Variants in CDH12 observed in about 807,000 individuals in gnomAD.
CDH12 encodes the protein cadherin 12.
In CDH12, 41 loss-of-function variants were observed where a neutral mutation model predicts 74.1. The ratio of observed to expected loss-of-function variants is 0.55; its 90% CI spans 0.43 to 0.72. CDH12 has a LOEUF of 0.72. CDH12 is among the 30% of genes least tolerant of loss of function. The probability of loss-of-function intolerance (pLI) is 0.00; values close to 1 mark genes in which losing one functional copy is unlikely to be tolerated. For synonymous variants in CDH12, 399 were observed against 355.0 expected (o/e 1.12, Z -1.39); for missense variants, 945 against 977.2 (o/e 0.97, Z 0.44).
At chr5:22,090,328 C>T (rs991725901) in intron 4 of CDH12, among the ~76,000 whole-genome samples, 2 of 151,356 alleles carry the variant, frequency 1.3e-5, no homozygotes, top group African/African-American at 4.8e-5. Context: ...AATAATATTA[C>T]CTCAAAGGTT....
intron 5 of CDH12, among the ~76,000 whole-genome samples, chr5:22,069,674 C>A (rs1741809298): frequency 6.6e-6 from 1 of 152,206 alleles, no homozygotes. Context: ...CCTAAATCAA[C>A]AGGTAAGGAA....
At chr5:22,516,751 T>C in intron 1 of CDH12, among the ~76,000 whole-genome samples, 1 of 152,066 alleles carries the variant, frequency 6.6e-6, no homozygotes, top group East Asian at 1.9e-4. Context: ...GCCATGATGG[T>C]GCCACTGCAC....
chr5:22,103,297 A>G (rs1320222373), intron 4 of CDH12, among the ~76,000 whole-genome samples: 1 of 151,204 alleles, frequency 6.6e-6, no homozygotes, highest in Non-Finnish European at 1.5e-5. Flanking sequence ...AGGAGTTGTG[A>G]TGCTCTTATG....
At chr5:22,692,370 G>T (rs897530691) in intron 1 of CDH12, among the ~76,000 whole-genome samples, 1 of 152,126 alleles carries the variant, frequency 6.6e-6, no homozygotes, top group Non-Finnish European at 1.5e-5. Context: ...AACCCATGTG[G>T]CATTTCAACT....
chr5:22,325,813 C>T (rs570454425), intron 3 of CDH12, among the ~76,000 whole-genome samples: 1 of 151,948 alleles, frequency 6.6e-6, no homozygotes, highest in African/African-American at 2.4e-5. Flanking sequence ...GAGGCTGAGG[C>T]GGGAGAATGG....
At chr5:22,198,926 T>C (rs1750771283) in intron 4 of CDH12, among the ~76,000 whole-genome samples, 1 of 151,392 alleles carries the variant, frequency 6.6e-6, no homozygotes, top group Non-Finnish European at 1.5e-5. Flanking sequence ...GATAGGAAAA[T>C]TCGGCCTATT....
At chr5:22,398,481 G>A (rs187142241) in intron 3 of CDH12, among the ~76,000 whole-genome samples, 52 of 152,156 alleles carry the variant, frequency 3.4e-4, no homozygotes, top group Admixed American at 7.2e-4. Context: ...TCTTTAAGAC[G>A]GAGATAATAA....
chr5:21,798,437 C>T (rs1331628226), intron 10 of CDH12, among the ~76,000 whole-genome samples: 1 of 152,054 alleles, frequency 6.6e-6, no homozygotes, highest in Non-Finnish European at 1.5e-5. Context: ...AATTGTTATA[C>T]TTATTTCTTT....
At chr5:21,915,561 T>C (rs1443672640) in intron 6 of CDH12, among the ~76,000 whole-genome samples, 1 of 150,876 alleles carries the variant, frequency 6.6e-6, no homozygotes, top group Non-Finnish European at 1.5e-5. Flanking sequence ...ATAGTAAGGG[T>C]TTTGAGTTTG....
At chr5:22,122,663 G>C (rs1261872234) in intron 4 of CDH12, among the ~76,000 whole-genome samples, 1 of 152,230 alleles carries the variant, frequency 6.6e-6, no homozygotes, top group Non-Finnish European at 1.5e-5. Flanking sequence ...TTTTTGTGAG[G>C]TATTTGTGGA....
intron 4 of CDH12, among the ~76,000 whole-genome samples, chr5:22,173,403 A>C (rs1749153537): frequency 6.8e-6 from 1 of 146,922 alleles, no homozygotes; most frequent in Admixed American, 6.9e-5. Flanking sequence ...ATATTAATAA[A>C]TATTAATAAA....
chr5:21,978,252 C>T (rs1386117531), intron 5 of CDH12, among the ~76,000 whole-genome samples: 4 of 152,138 alleles, frequency 2.6e-5, no homozygotes, highest in Non-Finnish European at 5.9e-5. Context: ...AGCAATTCTC[C>T]TGCCTCAGCC....
chr5:22,812,285 T>C (rs1195151608), intron 1 of CDH12, among the ~76,000 whole-genome samples: 3 of 152,088 alleles, frequency 2.0e-5, no homozygotes, highest in African/African-American at 7.2e-5. Context: ...AAGAATTAGA[T>C]GGGAATATAT....
chr5:22,830,294 C>T (rs1294260772), intron 1 of CDH12, among the ~76,000 whole-genome samples: 2 of 151,984 alleles, frequency 1.3e-5, no homozygotes, highest in Admixed American at 1.3e-4. Context: ...ATGAAAATAA[C>T]ATGGTTAATA....
chr5:22,226,263 G>A (rs1261677962), intron 3 of CDH12, among the ~76,000 whole-genome samples: 2 of 151,798 alleles, frequency 1.3e-5, no homozygotes, highest in Non-Finnish European at 2.9e-5. Flanking sequence ...TGACAGCAAA[G>A]GAATTTTTGC....
chr5:22,672,051 A>AAT (rs1195574635), intron 1 of CDH12, among the ~76,000 whole-genome samples: 1 of 141,870 alleles, frequency 7.0e-6, no homozygotes, highest in South Asian at 2.1e-4. Flanking sequence ...ATATATAATA[A>AAT]ATATATATAT....
chr5:22,091,095 A>G (rs1743394397), intron 4 of CDH12, among the ~76,000 whole-genome samples: 1 of 151,748 alleles, frequency 6.6e-6, no homozygotes, highest in East Asian at 1.9e-4. Context: ...TAGACAAGAA[A>G]AGAGGGAAAA....
chr5:22,338,004 T>C (rs1490002699), intron 3 of CDH12, among the ~76,000 whole-genome samples: 2 of 152,170 alleles, frequency 1.3e-5, no homozygotes, highest in African/African-American at 2.4e-5. Flanking sequence ...TCTGCAGAAC[T>C]CTTTGGAGCT....
At chr5:22,810,944 C>T (rs938066868) in intron 1 of CDH12, among the ~76,000 whole-genome samples, 3 of 148,078 alleles carry the variant, frequency 2.0e-5, no homozygotes, top group African/African-American at 7.3e-5. Context: ...CACATATATA[C>T]TTACATATAT....
Sources: allele counts gnomAD v4.1 joint callset (sites outside exome capture counted in the v4.1 genomes callset), GRCh38; gene constraint gnomAD v4.1.1; transcripts MANE v1.5; gene names NCBI Gene and HGNC (gene_info 2026-07-23, HGNC 2026-07-21).